Variants in CACNB2 observed in about 807,000 individuals in gnomAD.
CACNB2 encodes the protein calcium voltage-gated channel auxiliary subunit beta 2, also known as voltage-dependent L-type calcium channel subunit beta-2.
In CACNB2, 42 loss-of-function variants were observed where a neutral mutation model predicts 73.3. The observed-to-expected ratio is 0.57, with a 90% CI of 0.45 to 0.74. The LOEUF is 0.74. Ranked by LOEUF, CACNB2 falls within the 30% of genes least tolerant of loss-of-function variation. The pLI is 0.00. For missense variants in CACNB2, 940 were observed against 853.0 expected (o/e 1.10, Z -1.27); for synonymous variants, 348 against 310.3 (o/e 1.12, Z -1.28).
At chr10:18,433,487 G>C (rs1017435465) in intron 3 of CACNB2, among the ~76,000 whole-genome samples, 2 of 152,140 alleles carry the variant, frequency 1.3e-5, no homozygotes, top group African/African-American at 4.8e-5. Flanking sequence ...AGGAAAAATA[G>C]CTGATGTTTC....
intron 2 of CACNB2, among the ~76,000 whole-genome samples, chr10:18,398,845 C>T (rs2043846633): frequency 6.6e-6 from 1 of 152,056 alleles, no homozygotes; most frequent in Non-Finnish European, 1.5e-5. Context: ...AATAGTCAAG[C>T]CATTGCCAAA....
At chr10:18,348,355 A>AG (rs2041557422) in intron 2 of CACNB2, among the ~76,000 whole-genome samples, 1 of 152,226 alleles carries the variant, frequency 6.6e-6, no homozygotes, top group Non-Finnish European at 1.5e-5. Context: ...TGTCTCTTTA[A>AG]AATGATTTAA....
rs2054010230 is a variant in CACNB2, at chr10:18,540,424, C to A, written c.*700C>A. 6.6e-6 allele frequency: 1 copy of A among 152,396 alleles called. No individual in the cohort carries two copies. The highest frequency in any genetic ancestry group is 2.4e-5 in the African/African-American group (1 of 41,368). The allele number at this position is 152,396 out of a possible 1,614,324, so 9.4% of individuals were successfully genotyped here. On this transcript the variant is annotated 3_prime_UTR_variant, in exon 14 of 14. Coordinates refer to ENST00000324631, the MANE Select transcript of CACNB2 (RefSeq NM_201596.3). ...TTATGAATTACAGGGACTAGAAATG[C>A]CCACATTCAGGAAATTTGTAATAAC...
intron 3 of CACNB2, among the ~76,000 whole-genome samples, chr10:18,456,218 C>G (rs1393947672): frequency 6.6e-6 from 1 of 152,126 alleles, no homozygotes; most frequent in African/African-American, 2.4e-5. Context: ...CACCTGTGAT[C>G]CCAGCACTTT....
chr10:18,434,102 A>G (rs1173895978), intron 3 of CACNB2, among the ~76,000 whole-genome samples: 5 of 152,186 alleles, frequency 3.3e-5, no homozygotes, highest in Non-Finnish European at 5.9e-5. Flanking sequence ...GAACATTGGG[A>G]ATTTTGGCCA....
At chr10:18,308,737 G>A (rs16917167) in intron 2 of CACNB2, among the ~76,000 whole-genome samples, 4,884 of 152,208 alleles carry the variant, frequency 0.032, 104 homozygotes, top group Middle Eastern at 0.051. Context: ...GCCAAGTATG[G>A]GAGCCAGCAA....
intron 3 of CACNB2, among the ~76,000 whole-genome samples, chr10:18,491,046 C>G (rs998791863): frequency 2.0e-5 from 3 of 152,146 alleles, no homozygotes; most frequent in Non-Finnish European, 4.4e-5. Context: ...GCCCACTGTT[C>G]CTGGTGTTCC....
chr10:18,380,254 G>T (rs2042958514), intron 2 of CACNB2, among the ~76,000 whole-genome samples: 1 of 147,056 alleles, frequency 6.8e-6, no homozygotes, highest in South Asian at 2.2e-4. Flanking sequence ...ACCACCAAAT[G>T]GCATTTTCAT....
At chr10:18,164,556 T>C (rs2032706912) in intron 2 of CACNB2, among the ~76,000 whole-genome samples, 1 of 151,934 alleles carries the variant, frequency 6.6e-6, no homozygotes, top group Non-Finnish European at 1.5e-5. Context: ...CCAAAACAAT[T>C]TTACTAACAT....
chr10:18,501,540 T>C (rs1040520678), intron 5 of CACNB2, among the ~76,000 whole-genome samples: 6 of 152,220 alleles, frequency 3.9e-5, no homozygotes, highest in Non-Finnish European at 1.5e-5. Context: ...ATTTGTGAGG[T>C]TGTCTGTCCC....
chr10:18,409,604 A>G (rs1009852483), intron 3 of CACNB2, among the ~76,000 whole-genome samples: 3 of 152,210 alleles, frequency 2.0e-5, no homozygotes, highest in African/African-American at 7.2e-5. Context: ...TTGATCATCT[A>G]TTCATAATTA....
At chr10:18,470,797 T>C (rs545613021) in intron 3 of CACNB2, among the ~76,000 whole-genome samples, 4 of 152,146 alleles carry the variant, frequency 2.6e-5, no homozygotes, top group Admixed American at 6.6e-5. Flanking sequence ...TGGGTGTGGA[T>C]GGTGGTGGTG....
chr10:18,306,795 G>T, intron 2 of CACNB2, among the ~76,000 whole-genome samples: 1 of 152,148 alleles, frequency 6.6e-6, no homozygotes, highest in Non-Finnish European at 1.5e-5. Context: ...GGTGATTCCG[G>T]GAGGTTAATG....
chr10:18,205,457 T>C (rs1034350074), intron 2 of CACNB2, among the ~76,000 whole-genome samples: 18 of 152,190 alleles, frequency 1.2e-4, no homozygotes, highest in African/African-American at 4.3e-4. Context: ...CAGTCAAAAA[T>C]CTGTGAATTT....
At chr10:18,478,420 T>C (rs2048548957) in intron 3 of CACNB2, among the ~76,000 whole-genome samples, 2 of 152,240 alleles carry the variant, frequency 1.3e-5, no homozygotes, top group African/African-American at 2.4e-5. Context: ...TAAAGATATC[T>C]GAAGTGTATA....
intron 2 of CACNB2, among the ~76,000 whole-genome samples, chr10:18,286,924 A>G (rs539201815): frequency 6.6e-6 from 1 of 152,326 alleles, no homozygotes; most frequent in African/African-American, 2.4e-5. Context: ...TCGACCCCAT[A>G]GGGTCCACGA....
At chr10:18,398,635 C>T (rs2043828907) in intron 2 of CACNB2, among the ~76,000 whole-genome samples, 1 of 151,826 alleles carries the variant, frequency 6.6e-6, no homozygotes, top group African/African-American at 2.4e-5. Flanking sequence ...TGCATCACTG[C>T]AGTCTATCAA....
At chr10:18,309,233 G>A (rs545354033) in intron 2 of CACNB2, among the ~76,000 whole-genome samples, 1 of 152,030 alleles carries the variant, frequency 6.6e-6, no homozygotes, top group Non-Finnish European at 1.5e-5. Flanking sequence ...ATTTATGACG[G>A]GAGAAAGAGG....
intron 3 of CACNB2, among the ~76,000 whole-genome samples, chr10:18,442,984 ATGTATATATATATG>A (rs2046528157): frequency 5.2e-5 from 1 of 19,296 alleles, no homozygotes; most frequent in Non-Finnish European, 7.8e-5. Flanking sequence ...ATATATATAT[ATGTATATATATATG>A]TGTATATATA....
Sources: allele counts gnomAD v4.1 joint callset (sites outside exome capture counted in the v4.1 genomes callset), GRCh38; gene constraint gnomAD v4.1.1; transcripts MANE v1.5; gene names NCBI Gene and HGNC (gene_info 2026-07-23, HGNC 2026-07-21).